The following WDR41 variants were observed in gnomAD, a reference collection of about 807,000 sequenced individuals.
WDR41 encodes WD repeat-containing protein 41.
Under a neutral mutation model 69.3 loss-of-function variants are expected in WDR41, and 63 were observed. The ratio of observed to expected loss-of-function variants is 0.91; its 90% CI spans 0.74 to 1.12. The LOEUF is 1.12. Ranked by LOEUF, WDR41 falls within the 50% of genes most tolerant of loss-of-function variation. WDR41 has a pLI of 0.00. For synonymous variants in WDR41, 185 were observed against 192.1 expected, an observed-to-expected ratio of 0.96 and a Z score of 0.31; for missense variants, 543 against 534.5, an observed-to-expected ratio of 1.02 and a Z score of -0.16.
At chr5:77,534,839 CAA>C (rs1273012575) in intron 1 of WDR41, among the ~76,000 whole-genome samples, 4 of 152,136 alleles carry the variant, frequency 2.6e-5, no homozygotes, top group African/African-American at 9.7e-5. Flanking sequence ...TCTCAGAGAT[CAA>C]AGTCTAAAAA....
intron 1 of WDR41, among the ~76,000 whole-genome samples, chr5:77,609,643 A>C (rs1219176150): frequency 3.3e-5 from 5 of 152,178 alleles, no homozygotes; most frequent in Non-Finnish European, 4.4e-5. Context: ...CATCCACACC[A>C]AAAACCCATC....
At chr5:77,469,041 C>G (rs371800638) in intron 2 of WDR41, among the ~76,000 whole-genome samples, 1 of 152,080 alleles carries the variant, frequency 6.6e-6, no homozygotes, top group Non-Finnish European at 1.5e-5. Context: ...CACATATACA[C>G]CATGGAATAC....
chr5:77,583,734 C>A (rs371057306), intron 1 of WDR41, among the ~76,000 whole-genome samples: 1 of 152,104 alleles, frequency 6.6e-6, no homozygotes, highest in African/African-American at 2.4e-5. Context: ...AATGGGGGAC[C>A]ACTTCCTCTC....
intron 1 of WDR41, among the ~76,000 whole-genome samples, chr5:77,574,376 A>T (rs984474678): frequency 6.6e-6 from 1 of 152,276 alleles, no homozygotes; most frequent in Non-Finnish European, 1.5e-5. Flanking sequence ...CTGGTTTCTG[A>T]TCTCACCTCT....
intron 1 of WDR41, among the ~76,000 whole-genome samples, chr5:77,616,997 A>G (rs1171112646): frequency 2.0e-5 from 3 of 152,232 alleles, no homozygotes; most frequent in Non-Finnish European, 4.4e-5. Context: ...CTTCAGGGAC[A>G]CTCACTGTCC....
At chr5:77,474,512 T>A (rs73141024) in intron 2 of WDR41, among the ~76,000 whole-genome samples, 9,871 of 152,134 alleles carry the variant, frequency 0.065, 584 homozygotes, top group African/African-American at 0.15. Context: ...TAGAGAAGCA[T>A]CCAGATAGGG....
intron 1 of WDR41, among the ~76,000 whole-genome samples, chr5:77,574,753 G>T (rs1252613090): frequency 6.6e-6 from 1 of 152,134 alleles, no homozygotes; most frequent in African/African-American, 2.4e-5. Context: ...CACAGACAGC[G>T]ACATAGATCT....
At chr5:77,560,070 T>G (rs978366157) in intron 1 of WDR41, among the ~76,000 whole-genome samples, 1 of 152,176 alleles carries the variant, frequency 6.6e-6, no homozygotes, top group African/African-American at 2.4e-5. Flanking sequence ...GACACTAAAA[T>G]TTTAAGATTG....
chr5:77,517,833 A>G (rs1802313247), intron 1 of WDR41, among the ~76,000 whole-genome samples: 1 of 152,130 alleles, frequency 6.6e-6, no homozygotes, highest in Non-Finnish European at 1.5e-5. Context: ...AAATAATAAT[A>G]AGAAGAAACG....
chr5:77,529,015 T>C (rs564375000), intron 1 of WDR41, among the ~76,000 whole-genome samples: 3 of 151,684 alleles, frequency 2.0e-5, no homozygotes, highest in African/African-American at 7.2e-5. Flanking sequence ...AACTTTGTAC[T>C]GAACTTTGTA....
chr5:77,474,864 A>T (rs1164931825), intron 2 of WDR41, among the ~76,000 whole-genome samples: 1 of 152,198 alleles, frequency 6.6e-6, no homozygotes, highest in Non-Finnish European at 1.5e-5. Flanking sequence ...AGCGTGAGCG[A>T]CGCAGAAGAC....
intron 1 of WDR41, among the ~76,000 whole-genome samples, chr5:77,517,406 A>G (rs1802305697): frequency 6.6e-6 from 1 of 152,086 alleles, no homozygotes; most frequent in African/African-American, 2.4e-5. Context: ...AAAACAAAAA[A>G]AACAGATCAG....
intron 1 of WDR41, among the ~76,000 whole-genome samples, chr5:77,568,137 A>G (rs1213870637): frequency 6.6e-6 from 1 of 152,154 alleles, no homozygotes; most frequent in Non-Finnish European, 1.5e-5. Flanking sequence ...ATAGAGCTTT[A>G]AGATGTAGCC....
chr5:77,492,495 C>T (rs1434348265), upstream of WDR41: 1 of 404,800 alleles, frequency 2.5e-6, no homozygotes, highest in Non-Finnish European at 4.4e-6. Flanking sequence ...GCGGGGCGCG[C>T]GCTGCTCCGA....
chr5:77,604,335 G>T (rs983388032), intron 1 of WDR41, among the ~76,000 whole-genome samples: 3 of 151,910 alleles, frequency 2.0e-5, no homozygotes, highest in African/African-American at 4.8e-5. Flanking sequence ...TTTGTTTTTA[G>T]CTACTGTAAA....
chr5:77,544,971 C>G (rs943092584), intron 1 of WDR41, among the ~76,000 whole-genome samples: 5 of 152,084 alleles, frequency 3.3e-5, no homozygotes, highest in African/African-American at 1.2e-4. Context: ...AACAAGCACT[C>G]TCTCAGACCA....
chr5:77,555,844 C>T (rs916876986), intron 1 of WDR41, among the ~76,000 whole-genome samples: 2 of 152,070 alleles, frequency 1.3e-5, no homozygotes, highest in East Asian at 3.8e-4. Context: ...AACAAGGTTT[C>T]TTTGTGGAAA....
intron 8 of WDR41, among the ~76,000 whole-genome samples, chr5:77,445,463 A>G (rs1799344494): frequency 6.6e-6 from 1 of 152,208 alleles, no homozygotes; most frequent in East Asian, 1.9e-4. Flanking sequence ...AGGAAGAGAC[A>G]CAACAAAAAA....
intron 1 of WDR41, among the ~76,000 whole-genome samples, chr5:77,550,803 A>G (rs1004832025): frequency 2.0e-5 from 3 of 152,174 alleles, no homozygotes; most frequent in Admixed American, 1.3e-4. Flanking sequence ...TCACAGCACT[A>G]CTCATAATAG....
Sources: allele counts gnomAD v4.1 joint callset (sites outside exome capture counted in the v4.1 genomes callset), GRCh38; gene constraint gnomAD v4.1.1; transcripts MANE v1.5; gene names NCBI Gene and HGNC (gene_info 2026-07-23, HGNC 2026-07-21).